Variants in UNC13B observed in about 807,000 individuals in gnomAD.
UNC13B encodes the protein protein unc-13 homolog B.
UNC13B carries 144 observed loss-of-function variants against 211.0 expected under a neutral mutation model. The observed-to-expected ratio is 0.68, with a 90% CI of 0.60 to 0.78. The LOEUF is 0.78. UNC13B is among the 30% of genes least tolerant of loss of function. The pLI is 0.00. For missense variants in UNC13B, 1,777 were observed against 2,002.0 expected (o/e 0.89, Z 2.14); for synonymous variants, 709 against 725.8 (o/e 0.98, Z 0.37).
At chr9:35,224,507 C>A (rs1339501758) in intron 1 of UNC13B, among the ~76,000 whole-genome samples, 2 of 152,096 alleles carry the variant, frequency 1.3e-5, no homozygotes, top group Admixed American at 1.3e-4. Flanking sequence ...ATATATTGAT[C>A]AGATCTAGAG....
intron 11 of UNC13B, among the ~76,000 whole-genome samples, chr9:35,366,250 C>A (rs1217935270): frequency 1.3e-5 from 2 of 152,194 alleles, no homozygotes; most frequent in South Asian, 2.1e-4. Context: ...ATTTTGTTTT[C>A]TTTTGGTACA....
intron 6 of UNC13B, among the ~76,000 whole-genome samples, chr9:35,256,987 A>G (rs1266689008): frequency 6.6e-6 from 1 of 152,184 alleles, no homozygotes; most frequent in Non-Finnish European, 1.5e-5. Flanking sequence ...CATTAAATAT[A>G]GCTTCTGAAA....
At chr9:35,351,046 A>G (rs1164846698) in intron 11 of UNC13B, among the ~76,000 whole-genome samples, 1 of 152,166 alleles carries the variant, frequency 6.6e-6, no homozygotes, top group East Asian at 1.9e-4. Flanking sequence ...TTGTCTCAAT[A>G]TCGTTGACTT....
At chr9:35,176,025 CAAAA>C (rs10608620) in intron 1 of UNC13B, among the ~76,000 whole-genome samples, 7 of 96,150 alleles carry the variant, frequency 7.3e-5, no homozygotes, top group Non-Finnish European at 1.1e-4. Flanking sequence ...GACTCTGTCT[CAAAA>C]AAAAAAAAAA....
intron 24 of UNC13B, 95 bp from the exon 25 acceptor site, chr9:35,389,751 A>T: frequency 7.4e-7 from 1 of 1,349,550 alleles, no homozygotes; most frequent in South Asian, 1.3e-5. Flanking sequence ...AGGAAGAGGT[A>T]TAGGAAGGGG....
chr9:35,308,346 ACT>A lies in UNC13B; in HGVS notation c.8945_8946del (p.Ser2982Ter), dbSNP rs1830025789. On this transcript the variant is annotated frameshift_variant, in exon 9 of 40. Coordinates refer to ENST00000635942, the MANE Select transcript of UNC13B (RefSeq NM_001371189.2). LOFTEE classifies it high-confidence loss of function. Reference sequence around the variant, plus strand: ...GAGGAGGCAGTACCTGCCAGTACTGACTCTGATTTGAATGTACAGCAGCCAGT... The same window carrying A: ...GAGGAGGCAGTACCTGCCAGTACTGACTGATTTGAATGTACAGCAGCCAGT... 2.5e-6 allele frequency: 1 copy of A among 398,974 alleles called. No individual in the cohort carries two copies. Among genetic ancestry groups the A allele is most frequent in the Non-Finnish European group, 4.4e-6 (1 of 226,064 alleles). 24.7% of individuals were successfully genotyped at this position (398,974 alleles called of 1,614,324 possible). A position where few individuals can be genotyped will look rare whatever the true frequency, so the allele number is the denominator to read the frequency against.
chr9:35,291,582 A>G (rs952901582), intron 7 of UNC13B, among the ~76,000 whole-genome samples: 8 of 152,290 alleles, frequency 5.3e-5, no homozygotes, highest in Non-Finnish European at 1.0e-4. Flanking sequence ...CAAATTGTGA[A>G]TGCCATTTCA....
In UNC13B at chr9:35,274,723, A is replaced by C. The variant is rs138947285; in HGVS notation, c.526+15673A>C. ...CATTGCTACCTTGGGTTTAATTATAAATGTATCCACTTCTTGAAGCCATAA... is the reference window on the plus strand; with the variant it reads ...CATTGCTACCTTGGGTTTAATTATACATGTATCCACTTCTTGAAGCCATAA... On this transcript the variant is annotated intron_variant, in intron 7 of 39. Coordinates refer to ENST00000635942, the MANE Select transcript of UNC13B (RefSeq NM_001371189.2). Among the ~76,000 whole-genome samples, 88 of 152,234 alleles carry C rather than the reference A, an allele frequency of 5.8e-4. 1 individual carries two copies. The highest frequency in any genetic ancestry group is 1.3e-3 in the East Asian group (7 of 5,186).
chr9:35,166,103 C>A (rs1488505467), intron 1 of UNC13B, among the ~76,000 whole-genome samples: 1 of 152,014 alleles, frequency 6.6e-6, no homozygotes, highest in Non-Finnish European at 1.5e-5. Context: ...AAATGCAGGC[C>A]AGTCGTGGTG....
At chr9:35,230,163 C>G (rs1204451588) in intron 2 of UNC13B, among the ~76,000 whole-genome samples, 2 of 152,120 alleles carry the variant, frequency 1.3e-5, no homozygotes, top group Non-Finnish European at 2.9e-5. Context: ...TTCCTTTTCT[C>G]AACTCTGTGA....
intron 1 of UNC13B, among the ~76,000 whole-genome samples, chr9:35,201,810 T>C (rs1290674204): frequency 6.6e-6 from 1 of 152,160 alleles, no homozygotes; most frequent in African/African-American, 2.4e-5. Flanking sequence ...TGATTTTTTT[T>C]TGAAGGGTTT....
chr9:35,190,095 T>G (rs963882942), intron 1 of UNC13B, among the ~76,000 whole-genome samples: 1 of 152,176 alleles, frequency 6.6e-6, no homozygotes, highest in Non-Finnish European at 1.5e-5. Context: ...TCCGCAAAAT[T>G]AACGGCGCCA....
chr9:35,175,862 T>TA (rs33987246), intron 1 of UNC13B, among the ~76,000 whole-genome samples: 20,001 of 149,124 alleles, frequency 0.13, 1,753 homozygotes, highest in Admixed American at 0.24. Context: ...ACTAAAAATA[T>TA]ATAAAAAAAA....
At chr9:35,169,063 G>A (rs1315989919) in intron 1 of UNC13B, among the ~76,000 whole-genome samples, 2 of 152,118 alleles carry the variant, frequency 1.3e-5, no homozygotes, top group East Asian at 1.9e-4. Context: ...TAAAAAACTC[G>A]TTACTGGACA....
chr9:35,175,387 C>T (rs10972371), intron 1 of UNC13B, among the ~76,000 whole-genome samples: 5 of 152,198 alleles, frequency 3.3e-5, no homozygotes, highest in South Asian at 2.1e-4. Context: ...CTGATGCTGC[C>T]GCCAAGGAAC....
intron 4 of UNC13B, among the ~76,000 whole-genome samples, chr9:35,237,449 G>A (rs942160282): frequency 6.6e-6 from 1 of 152,156 alleles, no homozygotes; most frequent in Non-Finnish European, 1.5e-5. Flanking sequence ...TAGTTTTAGA[G>A]TATGGTACTC....
At chr9:35,271,006 G>T (rs1256536618) in intron 7 of UNC13B, among the ~76,000 whole-genome samples, 2 of 152,000 alleles carry the variant, frequency 1.3e-5, no homozygotes, top group Non-Finnish European at 2.9e-5. Flanking sequence ...GGGTGTGGTG[G>T]TGTACACCTG....
chr9:35,272,537 C>T (rs1291732206), intron 7 of UNC13B, among the ~76,000 whole-genome samples: 4 of 152,010 alleles, frequency 2.6e-5, no homozygotes, highest in Admixed American at 6.5e-5. Flanking sequence ...GGATTACAGG[C>T]GTGAGCCACC....
At chr9:35,355,271 A>G (rs1720992478) in intron 11 of UNC13B, among the ~76,000 whole-genome samples, 1 of 152,224 alleles carries the variant, frequency 6.6e-6, no homozygotes, top group Non-Finnish European at 1.5e-5. Flanking sequence ...AAACGGATAC[A>G]TTGTTGCCCA....
Sources: gnomAD v4.1 joint callset for allele counts (sites outside exome capture counted in the v4.1 genomes callset) on GRCh38, gnomAD v4.1.1 for gene constraint, MANE v1.5 for transcripts, NCBI Gene and HGNC (gene_info 2026-07-23, HGNC 2026-07-21) for gene names.